Variants in SLC5A8 observed in about 807,000 individuals in gnomAD.
The protein encoded by SLC5A8 is sodium-coupled monocarboxylate transporter 1.
SLC5A8 carries 55 observed loss-of-function variants against 71.9 expected under a neutral mutation model. The observed-to-expected ratio is 0.77, with a 90% CI of 0.62 to 0.96. The LOEUF is 0.96. SLC5A8 is among the 40% of genes least tolerant of loss of function. The probability of loss-of-function intolerance (pLI) is 0.00; values close to 1 mark genes in which losing one functional copy is unlikely to be tolerated. For synonymous variants in SLC5A8, 307 were observed against 276.1 expected (o/e 1.11, Z -1.11); for missense variants, 701 against 745.3 (o/e 0.94, Z 0.69).
intron 13 of SLC5A8, 101 bp from the exon 14 acceptor site, chr12:101,158,429 T>G: frequency 1.4e-6 from 1 of 712,030 alleles, no homozygotes; most frequent in Non-Finnish European, 2.3e-6. Context: ...CACGTTCAAC[T>G]CCATACATTC....
intron 6 of SLC5A8, among the ~76,000 whole-genome samples, chr12:101,189,165 A>G (rs1327010419): frequency 6.6e-6 from 1 of 152,196 alleles, no homozygotes; most frequent in Non-Finnish European, 1.5e-5. Context: ...GGAAGAGAAG[A>G]AGAGCTTGTC....
chr12:101,158,197 C>G (rs1280558871), intron 14 of SLC5A8, 52 bp downstream of exon 14: 1 of 1,233,772 alleles, frequency 8.1e-7, no homozygotes, highest in Non-Finnish European at 1.2e-6. Context: ...AGTGTTCTAT[C>G]CAGGTAATAA....
intron 3 of SLC5A8, among the ~76,000 whole-genome samples, chr12:101,197,409 T>C (rs886817147): frequency 1.3e-5 from 2 of 152,182 alleles, no homozygotes; most frequent in Admixed American, 6.5e-5. Context: ...AACTTATAGA[T>C]ATTGCCTATG....
chr12:101,194,779 T>A (rs937397215), intron 4 of SLC5A8, among the ~76,000 whole-genome samples: 2 of 152,178 alleles, frequency 1.3e-5, no homozygotes, highest in Admixed American at 1.3e-4. Context: ...GCCTATGACC[T>A]ATGATAGGTT....
At position 101,166,643 on chromosome 12, in the gene SLC5A8, T is replaced by G; in HGVS notation, c.1377A>C (p.Gly459=). Residue 459 remains glycine (G), a synonymous_variant, in exon 12 of 15, where the codon GGA becomes GGC. Transcript: ENST00000536262. ...GFAISLWVGI[G]AQIYPPLPER... Reference sequence around the variant, plus strand: ...CAGGAAGTGGAGGATATATTTGAGCTCCAATTCCAACCCATAGAGAAATGG... The same window carrying G: ...CAGGAAGTGGAGGATATATTTGAGCGCCAATTCCAACCCATAGAGAAATGG... 2 of 1,613,630 alleles carry G rather than the reference T, an allele frequency of 1.2e-6. No individual in the cohort carries two copies. Among genetic ancestry groups the G allele is most frequent in the Non-Finnish European group, 1.7e-6 (2 of 1,179,886 alleles).
chr12:101,194,489 C>T (rs1869071411), intron 4 of SLC5A8, among the ~76,000 whole-genome samples: 1 of 152,176 alleles, frequency 6.6e-6, no homozygotes, highest in South Asian at 2.1e-4. Context: ...TGTTTTGAGA[C>T]AGGGTTTTCT....
intron 2 of SLC5A8, among the ~76,000 whole-genome samples, 163 bp downstream of exon 2, chr12:101,204,336 AG>A (rs1869586827): frequency 6.6e-6 from 1 of 152,226 alleles, no homozygotes. Flanking sequence ...GATGATCTTA[AG>A]GGTTGATGCT....
intron 10 of SLC5A8, among the ~76,000 whole-genome samples, chr12:101,173,108 C>T (rs376626656): frequency 1.9e-3 from 282 of 152,338 alleles, no homozygotes; most frequent in Middle Eastern, 0.014. Context: ...GTTATGTCTA[C>T]CCACTCTACT....
rs751345204 is a variant in SLC5A8, at chr12:101,180,083, T to C, written c.1179A>G (p.Gly393=). 1.9e-6 allele frequency: 3 copies of C among 1,614,002 alleles called. No individual in the cohort carries two copies. Among genetic ancestry groups the C allele is most frequent in the Non-Finnish European group, 2.5e-6 (3 of 1,179,960 alleles). ...GCGCAGCCATTCCAATACACAGGGC[T>C]CCATACACCACACCTAAATGGACAA... ...WISQGMSVVY[G]ALCIGMAALA... Residue 393 remains glycine, a synonymous_variant, in exon 10 of 15, where the codon GGA becomes GGG. Transcript: ENST00000536262.
At chr12:101,158,485 G>C (rs932065797) in intron 13 of SLC5A8, among the ~76,000 whole-genome samples, 157 bp from the exon 14 acceptor site, 1 of 148,870 alleles carries the variant, frequency 6.7e-6, no homozygotes, top group Non-Finnish European at 1.5e-5. Context: ...TGATCACTTA[G>C]CCCGCAATTC....
At chr12:101,161,923 TA>T (rs2051726569) in intron 13 of SLC5A8, 50 bp downstream of exon 13, 1 of 1,277,956 alleles carries the variant, frequency 7.8e-7, no homozygotes, top group Non-Finnish European at 1.1e-6. Flanking sequence ...ACAGATACAG[TA>T]AAAACTGATA....
intron 5 of SLC5A8, among the ~76,000 whole-genome samples, 185 bp downstream of exon 5, chr12:101,193,440 A>G (rs1869009614): frequency 6.6e-6 from 1 of 152,246 alleles, no homozygotes; most frequent in Non-Finnish European, 1.5e-5. Context: ...ACCATCTGAC[A>G]GGTTTAATCC....
rs1837634232 is a variant in SLC5A8, at chr12:101,193,797, A to G, written c.538-18T>C. 1 of 1,612,350 alleles carries G rather than the reference A, an allele frequency of 6.2e-7. No individual in the cohort carries two copies. The highest frequency in any genetic ancestry group is 8.5e-7 in the Non-Finnish European group (1 of 1,179,178). ...AGACCACCCTTTGAGGGGAAAGTATATTAGGATTAATGCTTCTATTAGACA... is the reference window on the plus strand; with the variant it reads ...AGACCACCCTTTGAGGGGAAAGTATGTTAGGATTAATGCTTCTATTAGACA... On this transcript the variant is annotated intron_variant, in intron 4 of 14. Transcript: ENST00000536262.
chr12:101,186,006 ACT>A (rs1868620617), intron 7 of SLC5A8, among the ~76,000 whole-genome samples: 1 of 151,444 alleles, frequency 6.6e-6, no homozygotes, highest in Admixed American at 6.6e-5. Flanking sequence ...ATCTTCACGG[ACT>A]CTCTAAGCGT....
chr12:101,194,518 T>G (rs1437783285), intron 4 of SLC5A8, among the ~76,000 whole-genome samples: 1 of 152,162 alleles, frequency 6.6e-6, no homozygotes. Context: ...CAAGCGGGAG[T>G]GCGGTGGTGC....
At chr12:101,166,939 A>G (rs1331268594) in intron 11 of SLC5A8, among the ~76,000 whole-genome samples, 1 of 152,092 alleles carries the variant, frequency 6.6e-6, no homozygotes, top group African/African-American at 2.4e-5. Context: ...GAGAAAGGCC[A>G]CTTTTAAGGA....
intron 1 of SLC5A8, among the ~76,000 whole-genome samples, chr12:101,204,981 C>T (rs1447841380): frequency 6.6e-6 from 1 of 152,182 alleles, no homozygotes; most frequent in Non-Finnish European, 1.5e-5. Context: ...ATCTGTTGTT[C>T]TCTTTCTCTT....
At chr12:101,168,694 A>G (rs1478997772) in intron 10 of SLC5A8, among the ~76,000 whole-genome samples, 1 of 152,236 alleles carries the variant, frequency 6.6e-6, no homozygotes, top group Non-Finnish European at 1.5e-5. Flanking sequence ...ATCATGTAGA[A>G]ATAGATTTAA....
chr12:101,171,914 G>T (rs572319462), intron 10 of SLC5A8, among the ~76,000 whole-genome samples: 50 of 152,206 alleles, frequency 3.3e-4, no homozygotes, highest in Non-Finnish European at 6.8e-4. Context: ...TTGGAAACAC[G>T]ATTACATGAG....
Sources: allele counts gnomAD v4.1 joint callset (sites outside exome capture counted in the v4.1 genomes callset), GRCh38; gene constraint gnomAD v4.1.1; transcripts MANE v1.5; gene names NCBI Gene and HGNC (gene_info 2026-07-23, HGNC 2026-07-21).